SARDH: variants seen among roughly 807,000 people sequenced by gnomAD.
SARDH encodes the protein sarcosine dehydrogenase.
SARDH carries 95 observed loss-of-function variants against 109.1 expected under a neutral mutation model. That is an observed-to-expected ratio of 0.87 (90% CI 0.74 to 1.03). The LOEUF is 1.03. Among genes scored for constraint, SARDH ranks in the 50% least tolerant of loss-of-function variants. The probability of loss-of-function intolerance (pLI) is 0.00; values close to 1 mark genes in which losing one functional copy is unlikely to be tolerated. For synonymous variants in SARDH, 572 were observed against 534.8 expected (o/e 1.07, Z -0.96); for missense variants, 1,267 against 1,287.8 (o/e 0.98, Z 0.25).
intron 6 of SARDH, among the ~76,000 whole-genome samples, chr9:133,727,694 C>T (rs1209024014): frequency 6.7e-6 from 1 of 149,268 alleles, no homozygotes; most frequent in Non-Finnish European, 1.5e-5. Flanking sequence ...CTCAGAGCTG[C>T]TGGGGCTGAT....
At chr9:133,730,311 C>A in intron 4 of SARDH, 124 bp from the exon 5 acceptor site, 1 of 1,281,992 alleles carries the variant, frequency 7.8e-7, no homozygotes, top group Non-Finnish European at 1.1e-6. Context: ...AGCAGCAGGT[C>A]CCCTGCGACA....
rs1832677592 is a variant in SARDH, at chr9:133,731,425, C to G, written c.570G>C (p.Leu190=). The change falls in exon 4 of 21, where the codon CTG becomes CTC. Residue 190 remains leucine (L), a synonymous_variant. Coordinates refer to ENST00000439388, the MANE Select transcript of SARDH (RefSeq NM_001134707.2). ...GGTCGTCCACATTCATCAGCGGGTA[C>G]AGAGTCTTGGTCTCTGCCGGGCTCA... is the stretch of plus-strand genomic sequence containing the variant. ...HVLSPAETKT[L]YPLMNVDDLY... is the part of the protein sequence containing the mutation. The G allele has an allele frequency of 6.2e-7, 1 of 1,614,168 alleles. No homozygotes were observed. Among genetic ancestry groups the G allele is most frequent in the Non-Finnish European group, 8.5e-7 (1 of 1,180,020 alleles).
intron 6 of SARDH, among the ~76,000 whole-genome samples, chr9:133,720,050 C>T (rs1832272285): frequency 6.6e-6 from 1 of 151,638 alleles, no homozygotes; most frequent in Admixed American, 6.6e-5. Flanking sequence ...GTGGTGCTTG[C>T]AGTGAGCCGA....
At position 133,692,751 on chromosome 9, in the gene SARDH, C is replaced by T. The variant is rs138842401; in HGVS notation, c.1921+1507G>A. ...ACCTGGTGCTTCCACACAGTGCAGG[C>T]TCACGTGATGACTGTTGAGGGAACG... is the stretch of plus-strand genomic sequence containing the variant. On this transcript the variant is annotated intron_variant, in intron 15 of 20. Coordinates refer to ENST00000439388, the MANE Select transcript of SARDH (RefSeq NM_001134707.2). The surrounding 1 kb of genome is among the most constrained non-coding windows in gnomAD (Gnocchi z 5.0). Among the ~76,000 whole-genome samples, 15 of 152,174 alleles carry T rather than the reference C, an allele frequency of 9.9e-5. No individual in the cohort carries two copies. The highest frequency in any genetic ancestry group is 4.6e-4 in the Admixed American group (7 of 15,288).
downstream of SARDH, among the ~76,000 whole-genome samples, chr9:133,662,715 GT>G (rs1829924241): frequency 6.6e-6 from 1 of 152,200 alleles, no homozygotes; most frequent in African/African-American, 2.4e-5. The surrounding 1 kb of genome is among the most constrained non-coding windows in gnomAD (Gnocchi z 5.1). Context: ...CCAGATCGCT[GT>G]TTGCTGTGTG....
downstream of SARDH, among the ~76,000 whole-genome samples, chr9:133,659,644 C>T (rs1832385485): frequency 1.3e-5 from 2 of 152,164 alleles, no homozygotes; most frequent in South Asian, 4.1e-4. Context: ...ATCAGCTAAG[C>T]GGCTGCTGCT....
Position 133,666,589 on chromosome 9 carries a change from C to T in SARDH, c.2631+146G>A. 1 of 1,082,812 alleles carries T rather than the reference C, an allele frequency of 9.2e-7. No individual in the cohort carries two copies. Among genetic ancestry groups the T allele is most frequent in the South Asian group, 1.7e-5 (1 of 58,264 alleles). The allele number at this position is 1,082,812 out of a possible 1,614,324, so 67.1% of individuals were successfully genotyped here. A position where few individuals can be genotyped will look rare whatever the true frequency, so the allele number is the denominator to read the frequency against. On this transcript the variant is annotated intron_variant, in intron 20 of 20. Transcript: ENST00000439388. This position sits in a 1 kb window ranked among gnomAD's most constrained non-coding sequence, Gnocchi z 5.2. Reference sequence around the variant, plus strand: ...TCCTTCCTCCCCCTCTTCCCTCCTCCCTCCTTTCTCTTCCCTCCTCCTCTT... The same window carrying T: ...TCCTTCCTCCCCCTCTTCCCTCCTCTCTCCTTTCTCTTCCCTCCTCCTCTT...
intron 13 of SARDH, among the ~76,000 whole-genome samples, chr9:133,698,746 G>A (rs545200044): frequency 2.6e-5 from 4 of 152,246 alleles, no homozygotes; most frequent in South Asian, 4.2e-4. Context: ...GGCTGGACCC[G>A]ACCTCACGCC....
At chr9:133,708,815 G>A (rs1831803629) in intron 10 of SARDH, among the ~76,000 whole-genome samples, 1 of 152,136 alleles carries the variant, frequency 6.6e-6, no homozygotes, top group Admixed American at 6.5e-5. Flanking sequence ...GATGGGCTCA[G>A]ATCCCCAGAA....
chr9:133,691,169 AACACACAC>A (rs3081171), intron 15 of SARDH, among the ~76,000 whole-genome samples: 1,980 of 112,190 alleles, frequency 0.018, 59 homozygotes, highest in South Asian at 0.092. Context: ...CACCTCCCCC[AACACACAC>A]ACACACACAC....
chr9:133,734,024 C>T lies in SARDH; in HGVS notation c.150G>A (p.Gln50=), dbSNP rs573904. Residue 50 remains glutamine, a synonymous_variant, in exon 2 of 21, where the codon CAG becomes CAA. Transcript: ENST00000439388. Reference sequence around the variant, plus strand: ...GGCCTTGGGCCACCACCGAGGTGCCCTGTCCCTCCTTCAGGGTCCGCTGAT... The same window carrying T: ...GGCCTTGGGCCACCACCGAGGTGCCTTGTCCCTCCTTCAGGGTCCGCTGAT... The part of the protein sequence containing the change: ...VPYQRTLKEG[Q]GTSVVAQGPS... The T allele has an allele frequency of 0.28, 459,149 of 1,612,976 alleles. 67,396 individuals carry two copies. Among genetic ancestry groups the T allele is most frequent in the East Asian group, 0.34 (15,319 of 44,856 alleles).
Position 133,671,643 on chromosome 9 carries a change from G to A in SARDH, c.2218C>T (p.Pro740Ser). The change falls in exon 18 of 21, where the codon CCA (proline) becomes TCA (serine). Residue 740 changes from proline to serine, a missense_variant. Coordinates refer to ENST00000439388, the MANE Select transcript of SARDH (RefSeq NM_001134707.2). ...VGELGWELHIPKASCVPVYRA... is the reference protein window; with the variant it reads ...VGELGWELHISKASCVPVYRA... ...TACACAGGCACGCAGGACGCCTTTG[G>A]AATGTGCAGCTCCCAGCCCAGCTCC... 1.9e-6 allele frequency: 3 copies of A among 1,596,328 alleles called. No homozygotes were observed.
intron 16 of SARDH, among the ~76,000 whole-genome samples, chr9:133,688,003 G>A (rs977386337): frequency 2.6e-5 from 4 of 152,010 alleles, no homozygotes; most frequent in African/African-American, 4.8e-5. Context: ...GGCCGCCCCC[G>A]GGCCGCACCT....
chr9:133,702,207 A>G (rs902710588), intron 13 of SARDH, among the ~76,000 whole-genome samples: 1 of 152,232 alleles, frequency 6.6e-6, no homozygotes, highest in Non-Finnish European at 1.5e-5. Flanking sequence ...GCCAGGGCAG[A>G]CGCTGGCCTC....
At chr9:133,695,770 A>T (rs1831264219) in intron 14 of SARDH, among the ~76,000 whole-genome samples, 2 of 152,084 alleles carry the variant, frequency 1.3e-5, no homozygotes, top group Non-Finnish European at 2.9e-5. Context: ...GCAGATGAAG[A>T]TCCCAAGTAT....
chr9:133,663,782 CAG>C lies in SARDH; in HGVS notation c.*105_*106del. 1 of 1,494,942 alleles carries C rather than the reference CAG, an allele frequency of 6.7e-7. No homozygotes were observed. The allele number at this position is 1,494,942 out of a possible 1,614,324, so 92.6% of individuals were successfully genotyped here. A position where few individuals can be genotyped will look rare whatever the true frequency, so the allele number is the denominator to read the frequency against. On this transcript the variant is annotated 3_prime_UTR_variant, in exon 21 of 21. Coordinates refer to ENST00000439388, the MANE Select transcript of SARDH (RefSeq NM_001134707.2). ...CGCAGGACTAGGCCTAGGCTAAGGACAGGGAGGGCACAAGTTCTGGCTGGGTC... is the reference window on the plus strand; with the variant it reads ...CGCAGGACTAGGCCTAGGCTAAGGACGGAGGGCACAAGTTCTGGCTGGGTC...
At chr9:133,672,818 C>T (rs1286915948) in intron 17 of SARDH, among the ~76,000 whole-genome samples, 6 of 152,224 alleles carry the variant, frequency 3.9e-5, no homozygotes, top group Admixed American at 2.6e-4. Flanking sequence ...CCGTCGCAGA[C>T]GGGCCTTCCA....
Position 133,694,704 on chromosome 9 carries a change from T to C in SARDH, c.1808-333A>G, listed in dbSNP as rs1180672598. Among the ~76,000 whole-genome samples the C allele has an allele frequency of 3.9e-5, 6 of 152,234 alleles. No homozygotes were observed. In the East Asian group the frequency reaches 1.2e-3, roughly 29 times the overall value. On this transcript the variant is annotated intron_variant, in intron 14 of 20. Coordinates refer to ENST00000439388, the MANE Select transcript of SARDH (RefSeq NM_001134707.2). ...GAGAAGTTTCTAGGGACAGGATTCA[T>C]GCCCCCCGTTCATTCTGGGGCTCCT...
chr9:133,687,565 G>C (rs1044668692), intron 16 of SARDH, among the ~76,000 whole-genome samples: 1 of 152,100 alleles, frequency 6.6e-6, no homozygotes. Flanking sequence ...GCAGGCATGA[G>C]CCACCGAGCC....
Sources: gnomAD v4.1 joint callset for allele counts (sites outside exome capture counted in the v4.1 genomes callset) on GRCh38, gnomAD v4.1.1 for gene constraint, Gnocchi (gnomAD v3.1) non-coding constraint, MANE v1.5 for transcripts, NCBI Gene and HGNC (gene_info 2026-07-23, HGNC 2026-07-21) for gene names.